PKHD1: variants seen among roughly 807,000 people sequenced by gnomAD.
PKHD1 encodes the protein PKHD1 ciliary IPT domain containing fibrocystin/polyductin.
Under a neutral mutation model 412.0 loss-of-function variants are expected in PKHD1, and 291 were observed. The ratio of observed to expected loss-of-function variants is 0.71; its 90% CI spans 0.64 to 0.78. The LOEUF (loss-of-function observed/expected upper bound fraction) is 0.78, where lower values mean the gene tolerates loss of function less well. PKHD1 is among the 30% of genes least tolerant of loss of function. The probability of loss-of-function intolerance (pLI) is 0.00; values close to 1 mark genes in which losing one functional copy is unlikely to be tolerated. For missense variants in PKHD1, 4,825 were observed against 4,950.7 expected (o/e 0.97, Z 0.76); for synonymous variants, 1,777 against 1,821.5 (o/e 0.98, Z 0.62).
intron 43 of PKHD1, among the ~76,000 whole-genome samples, chr6:51,900,404 A>G (rs1310328346): frequency 6.6e-6 from 1 of 152,200 alleles, no homozygotes; most frequent in African/African-American, 2.4e-5. Flanking sequence ...AAACCTGAGA[A>G]AAACAAGCAA....
rs1582414636 is a variant in PKHD1 at position 51,744,377 on chromosome 6, T to A, written c.10156+8A>T. 6.2e-7 allele frequency: 1 copy of A among 1,613,110 alleles called. No homozygotes were observed. The highest frequency in any genetic ancestry group is 1.3e-5 in the African/African-American group (1 of 75,024). ...CTACCACAGGCATTGCATTCAGATA[T>A]AGCTTACCTGCGTTGAAGAAGGATG... On this transcript the variant is annotated splice_region_variant and intron_variant, in intron 60 of 66. Coordinates refer to ENST00000371117, the MANE Select transcript of PKHD1 (RefSeq NM_138694.4).
intron 52 of PKHD1, among the ~76,000 whole-genome samples, chr6:51,792,428 A>T (rs538853237): frequency 6.6e-6 from 1 of 152,210 alleles, no homozygotes; most frequent in East Asian, 1.9e-4. Flanking sequence ...GACATGCCCA[A>T]GCAAATTAAC....
chr6:51,749,272 T>C (rs571276312), intron 57 of PKHD1, among the ~76,000 whole-genome samples: 11 of 152,214 alleles, frequency 7.2e-5, no homozygotes, highest in Non-Finnish European at 1.5e-4. Flanking sequence ...TAAAATGTTT[T>C]CTATATTTTT....
At chr6:51,662,591 A>G (rs1409696451) in intron 60 of PKHD1, among the ~76,000 whole-genome samples, 1 of 151,972 alleles carries the variant, frequency 6.6e-6, no homozygotes, top group African/African-American at 2.4e-5. Context: ...ATGATTGCAG[A>G]AATCAATGAA....
At chr6:51,763,645 A>G (rs988483256) in intron 55 of PKHD1, among the ~76,000 whole-genome samples, 1 of 152,100 alleles carries the variant, frequency 6.6e-6, no homozygotes, top group Admixed American at 6.6e-5. Context: ...CAAGTGAATG[A>G]CACCACTATC....
Position 52,087,494 on chromosome 6 carries a change from T to G in PKHD1, c.-145A>C, listed in dbSNP as rs1053970878. On this transcript the variant is annotated 5_prime_UTR_variant, in exon 1 of 67. Transcript: ENST00000371117. The stretch of plus-strand genomic sequence containing the variant: ...GGAGAAATGATCCTTTCTTTCTAAG[T>G]GATCTTATTTCTCTCTGTCAAGAAT... 6.6e-6 allele frequency: 1 copy of G among 152,194 alleles called. No homozygotes were observed. Among genetic ancestry groups the G allele is most frequent in the African/African-American group, 2.4e-5 (1 of 41,432 alleles). 9.4% of individuals were successfully genotyped at this position (152,194 alleles called of 1,614,324 possible).
chr6:51,690,265 C>T, intron 60 of PKHD1, among the ~76,000 whole-genome samples: 1 of 121,338 alleles, frequency 8.2e-6, no homozygotes, highest in South Asian at 2.8e-4. Flanking sequence ...GAGTGAGACT[C>T]CATCTCAAAA....
At chr6:51,784,050 T>A (rs1268553413) in intron 53 of PKHD1, among the ~76,000 whole-genome samples, 1 of 152,188 alleles carries the variant, frequency 6.6e-6, no homozygotes, top group African/African-American at 2.4e-5. Context: ...TTATCAGAAT[T>A]CTATAATGCA....
rs1785529452 is a variant in PKHD1 at position 51,748,391 on chromosome 6, G to T, written c.9225C>A (p.Thr3075=). The change falls in exon 58 of 67, where the codon ACC becomes ACA. Residue 3075 remains threonine, a synonymous_variant. Transcript: ENST00000371117. ...TCACTTTGATTCCCGCCACCCAAAT[G>T]GTGGACCACGCTGGCTGTGTCATCA... The part of the protein sequence containing the change: ...VVLMTQPAWS[T]IWVAGIKVNQ... The T allele has an allele frequency of 6.2e-7, 1 of 1,613,910 alleles. No individual in the cohort carries two copies. Among genetic ancestry groups the T allele is most frequent in the Admixed American group, 1.7e-5 (1 of 59,958 alleles).
In PKHD1 at chr6:52,022,839, G is replaced by A. The variant is rs1554197025; in HGVS notation, c.5342C>T (p.Thr1781Ile). ...AACCAAGCAGCTGAAGGCAGACACT[G>A]TAGCATTAGCCAGGACTCGGCAGGG... ...GAPCRVLANA[T>I]VSAFSCLVLP... The change falls in exon 33 of 67, where the codon ACA becomes ATA. Residue 1781 changes from threonine (T) to isoleucine (I), a missense_variant. Coordinates refer to ENST00000371117, the MANE Select transcript of PKHD1 (RefSeq NM_138694.4). 22 of 1,614,100 alleles carry A rather than the reference G, an allele frequency of 1.4e-5. No individual in the cohort carries two copies. The highest frequency in any genetic ancestry group is 1.8e-5 in the Non-Finnish European group (21 of 1,180,008).
rs529459722 is a variant in PKHD1 at position 51,748,184 on chromosome 6, G to T, written c.9432C>A (p.Ile3144=). 6 of 1,613,976 alleles carry T rather than the reference G, an allele frequency of 3.7e-6. No homozygotes were observed. The highest frequency in any genetic ancestry group is 5.1e-6 in the Non-Finnish European group (6 of 1,179,982). Residue 3144 remains isoleucine (I), a synonymous_variant, in exon 58 of 67, where the codon ATC becomes ATA. Transcript: ENST00000371117. ...AGTTCTTGAAAGCCAAGAAGCCAGA[G>T]ATTCTGGTACAGTTGTCAAGTCCAC... ...KESGLDNCTR[I]SGFLAFKNFD...
chr6:51,685,968 A>G (rs777840263), intron 60 of PKHD1, among the ~76,000 whole-genome samples: 20 of 152,188 alleles, frequency 1.3e-4, no homozygotes, highest in Non-Finnish European at 2.2e-4. Context: ...TGTCTAACCC[A>G]GAACTCCATC....
At chr6:51,953,933 C>T (rs1321474164) in intron 36 of PKHD1, among the ~76,000 whole-genome samples, 1 of 152,036 alleles carries the variant, frequency 6.6e-6, no homozygotes, top group Non-Finnish European at 1.5e-5. Context: ...CCGTCCCTCC[C>T]TCGCAATAGA....
At chr6:51,928,468 C>A (rs1786041296) in intron 37 of PKHD1, among the ~76,000 whole-genome samples, 3 of 152,132 alleles carry the variant, frequency 2.0e-5, no homozygotes, top group South Asian at 2.1e-4. Context: ...AATTTACACA[C>A]CACATCAGCT....
At chr6:51,852,737 T>C (rs1267036068) in intron 49 of PKHD1, among the ~76,000 whole-genome samples, 1 of 152,078 alleles carries the variant, frequency 6.6e-6, no homozygotes, top group African/African-American at 2.4e-5. Flanking sequence ...ACCCTGTTTT[T>C]TTTTTTTTCT....
chr6:51,791,423 C>T (rs781152841), intron 52 of PKHD1, 50 bp from the exon 53 acceptor site: 10 of 1,580,556 alleles, frequency 6.3e-6, no homozygotes, highest in South Asian at 3.3e-5. Flanking sequence ...ACAAGAATTA[C>T]GTGTTTATTC....
intron 52 of PKHD1, among the ~76,000 whole-genome samples, chr6:51,806,667 A>T (rs1358843612): frequency 6.6e-6 from 1 of 150,968 alleles, no homozygotes; most frequent in Non-Finnish European, 1.5e-5. Flanking sequence ...ACAGAATGAG[A>T]AGAATCGTTA....
chr6:51,865,287 G>A (rs1277338428), intron 48 of PKHD1, among the ~76,000 whole-genome samples: 1 of 152,132 alleles, frequency 6.6e-6, no homozygotes, highest in African/African-American at 2.4e-5. Flanking sequence ...GCCTTGTAGA[G>A]TGGCAGTTTT....
chr6:51,935,775 C>T (rs1356553134), intron 36 of PKHD1, among the ~76,000 whole-genome samples: 1 of 152,174 alleles, frequency 6.6e-6, no homozygotes, highest in Non-Finnish European at 1.5e-5. Flanking sequence ...TAAGCTCTTC[C>T]CTCTGGAAGG....
Sources: gnomAD v4.1 joint callset for allele counts (sites outside exome capture counted in the v4.1 genomes callset) on GRCh38, gnomAD v4.1.1 for gene constraint, MANE v1.5 for transcripts, NCBI Gene and HGNC (gene_info 2026-07-23, HGNC 2026-07-21) for gene names.